The following MAMDC2 variants were observed in gnomAD, a reference collection of about 807,000 sequenced individuals.
MAMDC2 encodes MAM domain containing 2.
In MAMDC2, 57 loss-of-function variants were observed where a neutral mutation model predicts 89.8. The observed-to-expected ratio is 0.63, with a 90% CI of 0.51 to 0.79. The LOEUF (loss-of-function observed/expected upper bound fraction) is 0.79. MAMDC2 is among the 30% of genes least tolerant of loss of function. MAMDC2 has a pLI of 0.00. For synonymous variants in MAMDC2, 313 were observed against 293.4 expected (o/e 1.07, Z -0.68); for missense variants, 800 against 820.6 (o/e 0.97, Z 0.31).
intron 7 of MAMDC2, among the ~76,000 whole-genome samples, chr9:70,134,320 A>G (rs2118378595): frequency 7.9e-6 from 1 of 127,160 alleles, no homozygotes; most frequent in African/African-American, 3.0e-5. Flanking sequence ...GAGGACCGTG[A>G]GACCATCCCC....
chr9:70,170,617 A>G lies in MAMDC2; in HGVS notation c.1637A>G (p.His546Arg). The change falls in exon 11 of 14, where the codon CAC (histidine) becomes CGC (arginine). Residue 546 changes from histidine (H) to arginine (R), a missense_variant. Coordinates refer to ENST00000377182, the MANE Select transcript of MAMDC2 (RefSeq NM_153267.5). ...PTSYTGPKGDHTTGVGYYMYI... is the reference protein window; with the variant it reads ...PTSYTGPKGDRTTGVGYYMYI... The stretch of plus-strand genomic sequence containing the variant: ...TCCTACACAGGACCAAAGGGAGATC[A>G]CACTACTGGGGTAGGTGAGTTATGC... 1 of 1,607,456 alleles carries G rather than the reference A, an allele frequency of 6.2e-7. No individual in the cohort carries two copies. Among genetic ancestry groups the G allele is most frequent in the Non-Finnish European group, 8.5e-7 (1 of 1,177,282 alleles).
intron 11 of MAMDC2, chr9:70,175,735 T>C (rs982040668): frequency 6.6e-6 from 1 of 152,124 alleles, no homozygotes; most frequent in Non-Finnish European, 1.5e-5. Context: ...GGCTTAAACA[T>C]TAGAAATTTG....
chr9:70,208,405 G>A (rs2033275831), intron 11 of MAMDC2, among the ~76,000 whole-genome samples: 8 of 152,074 alleles, frequency 5.3e-5, no homozygotes, highest in Non-Finnish European at 1.5e-5. Context: ...TTGTGAATGG[G>A]AAGTTCACTC....
At chr9:70,221,978 A>G (rs2033574285) in intron 12 of MAMDC2, among the ~76,000 whole-genome samples, 2 of 152,142 alleles carry the variant, frequency 1.3e-5, no homozygotes, top group South Asian at 4.1e-4. Flanking sequence ...TGAAATGATC[A>G]CTCCAGCTAC....
chr9:70,104,167 C>T (rs930059024), intron 2 of MAMDC2, among the ~76,000 whole-genome samples: 6 of 152,104 alleles, frequency 3.9e-5, no homozygotes, highest in African/African-American at 7.2e-5. Flanking sequence ...AGTAGATGTA[C>T]ATTAATGGCC....
chr9:70,113,537 G>C (rs1477177987), intron 5 of MAMDC2, among the ~76,000 whole-genome samples: 3 of 152,204 alleles, frequency 2.0e-5, no homozygotes, highest in Non-Finnish European at 4.4e-5. Flanking sequence ...TGGGTCCTAA[G>C]AACTTCCCAA....
chr9:70,097,397 A>C (rs1034401312), intron 2 of MAMDC2, among the ~76,000 whole-genome samples: 1 of 152,218 alleles, frequency 6.6e-6, no homozygotes, highest in Non-Finnish European at 1.5e-5. Context: ...AATGATATTG[A>C]CAAGGAATAC....
chr9:70,171,805 C>A (rs995689744), intron 11 of MAMDC2, among the ~76,000 whole-genome samples: 1 of 152,138 alleles, frequency 6.6e-6, no homozygotes, highest in Admixed American at 6.6e-5. Flanking sequence ...ACATAAAATA[C>A]ACTAACGCTA....
chr9:70,044,548 G>A (rs533989850), intron 1 of MAMDC2, 36 bp from the exon 2 acceptor site: 1 of 1,505,220 alleles, frequency 6.6e-7, no homozygotes, highest in African/African-American at 1.4e-5. Flanking sequence ...AGGCTCCTGG[G>A]TGGAGCTCGA....
At chr9:70,137,439 C>G (rs947277533) in intron 7 of MAMDC2, among the ~76,000 whole-genome samples, 6 of 152,136 alleles carry the variant, frequency 3.9e-5, no homozygotes, top group Admixed American at 1.3e-4. Flanking sequence ...TATCAACTTA[C>G]TTTCGGTCCA....
At chr9:70,116,450 C>A (rs1253705454) in intron 5 of MAMDC2, among the ~76,000 whole-genome samples, 1 of 152,104 alleles carries the variant, frequency 6.6e-6, no homozygotes, top group Non-Finnish European at 1.5e-5. Flanking sequence ...GTGCTCCAGG[C>A]CCAGTTATCA....
intron 2 of MAMDC2, among the ~76,000 whole-genome samples, chr9:70,059,409 C>T (rs1177394396): frequency 2.0e-5 from 3 of 152,186 alleles, no homozygotes; most frequent in Non-Finnish European, 4.4e-5. Flanking sequence ...GGGACATGAA[C>T]ATGTGCATTA....
At chr9:70,125,344 G>A (rs996139008) in intron 5 of MAMDC2, among the ~76,000 whole-genome samples, 1 of 152,214 alleles carries the variant, frequency 6.6e-6, no homozygotes, top group East Asian at 1.9e-4. Context: ...TCATTCTAGA[G>A]ATCAGGAAAT....
intron 2 of MAMDC2, chr9:70,087,206 G>C (rs1587457937): frequency 6.6e-6 from 1 of 152,080 alleles, no homozygotes; most frequent in Non-Finnish European, 1.5e-5. Context: ...TCAGACTTTT[G>C]TATTGAGAGC....
intron 2 of MAMDC2, among the ~76,000 whole-genome samples, chr9:70,093,316 A>G (rs996619720): frequency 6.6e-6 from 1 of 152,192 alleles, no homozygotes; most frequent in African/African-American, 2.4e-5. Flanking sequence ...TGGAAGGAGA[A>G]TACCTTTTTC....
At chr9:70,193,135 C>G (rs1246709828) in intron 11 of MAMDC2, among the ~76,000 whole-genome samples, 1 of 152,084 alleles carries the variant, frequency 6.6e-6, no homozygotes, top group Non-Finnish European at 1.5e-5. Context: ...TTCAGTCAAG[C>G]AAAGACTCTG....
Position 70,172,296 on chromosome 9 carries a change from G to A in MAMDC2, c.1651+1665G>A, listed in dbSNP as rs747599620. On this transcript the variant is annotated intron_variant, in intron 11 of 13. Coordinates refer to ENST00000377182, the MANE Select transcript of MAMDC2 (RefSeq NM_153267.5). ...AACAGTCTATTTTTTCATTTTCTTT[G>A]TTTTACCTCCCCTCCTGCCCCTCAT... Among the ~76,000 whole-genome samples, 18 of 152,050 alleles carry A rather than the reference G, an allele frequency of 1.2e-4. 1 individual carries two copies. The highest frequency in any genetic ancestry group is 2.4e-4 in the Non-Finnish European group (16 of 67,992).
chr9:70,077,070 G>A (rs559225318), intron 2 of MAMDC2, among the ~76,000 whole-genome samples: 1 of 152,278 alleles, frequency 6.6e-6, no homozygotes, highest in African/African-American at 2.4e-5. Flanking sequence ...TAGACGATCT[G>A]TTAGCACAAT....
chr9:70,136,163 C>T (rs2118386223), intron 7 of MAMDC2, among the ~76,000 whole-genome samples: 1 of 152,142 alleles, frequency 6.6e-6, no homozygotes, highest in East Asian at 1.9e-4. Flanking sequence ...AAACAAAAAG[C>T]AAACAAAAAA....
Sources: gnomAD v4.1 joint callset for allele counts (sites outside exome capture counted in the v4.1 genomes callset) on GRCh38, gnomAD v4.1.1 for gene constraint, MANE v1.5 for transcripts, NCBI Gene and HGNC (gene_info 2026-07-23, HGNC 2026-07-21) for gene names.